TMTC2: variants seen among roughly 807,000 people sequenced by gnomAD.
TMTC2 encodes transmembrane O-mannosyltransferase targeting cadherins 2.
In TMTC2, 43 loss-of-function variants were observed where a neutral mutation model predicts 82.4. The observed-to-expected ratio is 0.52, with a 90% confidence interval of 0.41 to 0.67. The LOEUF (loss-of-function observed/expected upper bound fraction) is 0.67, where lower values mean the gene tolerates loss of function less well. Ranked by LOEUF, TMTC2 falls within the 30% of genes least tolerant of loss-of-function variation. The pLI is 0.00. For synonymous variants in TMTC2, 408 were observed against 381.9 expected, an observed-to-expected ratio of 1.07 and a Z score of -0.80; for missense variants, 919 against 1,012.4, an observed-to-expected ratio of 0.91 and a Z score of 1.25.
At chr12:82,915,957 G>T (rs972525365) in intron 3 of TMTC2, among the ~76,000 whole-genome samples, 9 of 152,218 alleles carry the variant, frequency 5.9e-5, no homozygotes, top group African/African-American at 2.2e-4. Context: ...TCTTTGGGAG[G>T]CCAAGGCAGG....
At chr12:82,853,899 A>G (rs1015858593) in intron 1 of TMTC2, among the ~76,000 whole-genome samples, 1 of 150,180 alleles carries the variant, frequency 6.7e-6, no homozygotes, top group Admixed American at 6.6e-5. Flanking sequence ...GCTTGAAATA[A>G]GCTCTTTCTG....
In TMTC2 at chr12:82,965,625, T is replaced by G; in HGVS notation, c.1750T>G (p.Phe584Val). The G allele has an allele frequency of 6.2e-7, 1 of 1,613,864 alleles. No individual in the cohort carries two copies. Among genetic ancestry groups the G allele is most frequent in the Non-Finnish European group, 8.5e-7 (1 of 1,179,788 alleles). ...QGRTEEARRT[F>V]LKCSEIPDEN... Reference sequence around the variant, plus strand: ...AAGGACGGAAGAAGCCCGACGGACATTCTTAAAGTGTTCGGAGATCCCAGA... The same window carrying G: ...AAGGACGGAAGAAGCCCGACGGACAGTCTTAAAGTGTTCGGAGATCCCAGA... Residue 584 changes from phenylalanine (F) to valine (V), a missense_variant, in exon 6 of 12, where the codon TTC becomes GTC. Coordinates refer to ENST00000321196, the MANE Select transcript of TMTC2 (RefSeq NM_152588.3).
Position 83,134,269 on chromosome 12 carries a change from C to G in TMTC2, c.*1880C>G, listed in dbSNP as rs1251675265. 2.7e-5 allele frequency: 4 copies of G among 148,416 alleles called. No homozygotes were observed. The highest frequency in any genetic ancestry group is 1.0e-4 in the African/African-American group (4 of 39,778). 9.2% of individuals were successfully genotyped at this position (148,416 alleles called of 1,614,324 possible). Reference sequence around the variant, plus strand: ...TAGTGGGTTGAAGTGTATTATTCATCTTTTAGTGCATTGGCAATTGCAAAA... The same window carrying G: ...TAGTGGGTTGAAGTGTATTATTCATGTTTTAGTGCATTGGCAATTGCAAAA... On this transcript the variant is annotated 3_prime_UTR_variant, in exon 12 of 12. Coordinates refer to ENST00000321196, the MANE Select transcript of TMTC2 (RefSeq NM_152588.3).
At chr12:82,914,362 G>A (rs1214817314) in intron 3 of TMTC2, among the ~76,000 whole-genome samples, 1 of 151,458 alleles carries the variant, frequency 6.6e-6, no homozygotes, top group African/African-American at 2.4e-5. Flanking sequence ...CTTTTGCCCT[G>A]TTCAACACTA....
At chr12:83,061,167 A>T (rs1292794246) in intron 10 of TMTC2, among the ~76,000 whole-genome samples, 1 of 151,830 alleles carries the variant, frequency 6.6e-6, no homozygotes, top group East Asian at 1.9e-4. Context: ...TAGGAATGAA[A>T]GTCCTAAGTA....
chr12:82,764,865 C>T (rs899048879), intron 1 of TMTC2, among the ~76,000 whole-genome samples: 1 of 145,840 alleles, frequency 6.9e-6, no homozygotes, highest in Non-Finnish European at 1.5e-5. Context: ...CATAAGATGA[C>T]ATAGACAAAT....
chr12:83,005,310 C>T (rs1412780805), intron 8 of TMTC2, among the ~76,000 whole-genome samples: 1 of 139,276 alleles, frequency 7.2e-6, no homozygotes, highest in Non-Finnish European at 1.5e-5. Flanking sequence ...GCCTGGGAAA[C>T]GCAAGGAGAC....
chr12:82,882,933 A>G (rs1253856926), intron 2 of TMTC2, among the ~76,000 whole-genome samples: 2 of 151,660 alleles, frequency 1.3e-5, no homozygotes, highest in Non-Finnish European at 2.9e-5. Flanking sequence ...GCGTGTGCCT[A>G]TGATCCCAGC....
chr12:82,998,160 G>A (rs142542658), intron 8 of TMTC2, among the ~76,000 whole-genome samples: 2 of 152,168 alleles, frequency 1.3e-5, no homozygotes, highest in Non-Finnish European at 2.9e-5. Context: ...CAAGTGTGCT[G>A]TCAGTGTTTA....
At chr12:82,937,999 C>T (rs1299486843) in intron 4 of TMTC2, among the ~76,000 whole-genome samples, 3 of 149,784 alleles carry the variant, frequency 2.0e-5, no homozygotes, top group South Asian at 2.1e-4. Flanking sequence ...ACTGCAACCT[C>T]CACATCCCAG....
chr12:83,075,167 C>T (rs1264346487), intron 11 of TMTC2, among the ~76,000 whole-genome samples: 1 of 152,160 alleles, frequency 6.6e-6, no homozygotes, highest in East Asian at 1.9e-4. Flanking sequence ...GGGTGTGTGT[C>T]AGGAGAGGAG....
chr12:82,765,890 C>T (rs1052945267), intron 1 of TMTC2, among the ~76,000 whole-genome samples: 1 of 152,066 alleles, frequency 6.6e-6, no homozygotes, highest in South Asian at 2.1e-4. Flanking sequence ...GATGATCAAA[C>T]AAGAGTTTTC....
At chr12:82,803,713 A>G (rs1879116611) in intron 1 of TMTC2, among the ~76,000 whole-genome samples, 1 of 152,080 alleles carries the variant, frequency 6.6e-6, no homozygotes, top group African/African-American at 2.4e-5. Flanking sequence ...GCAGGCCACC[A>G]GGCATGCAGG....
intron 4 of TMTC2, among the ~76,000 whole-genome samples, chr12:82,939,628 A>G (rs946347902): frequency 5.9e-5 from 9 of 152,092 alleles, no homozygotes; most frequent in Admixed American, 6.6e-5. Flanking sequence ...CCTAAAGTGG[A>G]TATGTTTACC....
At chr12:82,798,975 T>C (rs1344580967) in intron 1 of TMTC2, among the ~76,000 whole-genome samples, 1 of 152,056 alleles carries the variant, frequency 6.6e-6, no homozygotes, top group African/African-American at 2.4e-5. Flanking sequence ...CTCTAAAAAG[T>C]CCATATTGCA....
At chr12:83,114,987 GACAATT>G (rs1246354251) in intron 11 of TMTC2, among the ~76,000 whole-genome samples, 25 of 152,042 alleles carry the variant, frequency 1.6e-4, no homozygotes, top group Non-Finnish European at 3.1e-4. Flanking sequence ...TATCTTCCAT[GACAATT>G]GAGATTTTAA....
At chr12:82,764,688 G>A (rs1876846326) in intron 1 of TMTC2, among the ~76,000 whole-genome samples, 1 of 152,166 alleles carries the variant, frequency 6.6e-6, no homozygotes, top group South Asian at 2.1e-4. Context: ...CACCACGCCG[G>A]GGAGACAGGT....
chr12:82,970,705 G>A (rs759604575), intron 7 of TMTC2, among the ~76,000 whole-genome samples: 5 of 152,214 alleles, frequency 3.3e-5, no homozygotes, highest in Non-Finnish European at 7.3e-5. Context: ...ATGTGGATAT[G>A]ACTACTTCAT....
intron 1 of TMTC2, among the ~76,000 whole-genome samples, chr12:82,708,321 T>G (rs1421921342): frequency 6.6e-6 from 1 of 152,248 alleles, no homozygotes; most frequent in Non-Finnish European, 1.5e-5. Context: ...AACACAGGTC[T>G]ACGATGTAAT....
Sources: gnomAD v4.1 joint callset for allele counts (sites outside exome capture counted in the v4.1 genomes callset) on GRCh38, gnomAD v4.1.1 for gene constraint, MANE v1.5 for transcripts, NCBI Gene and HGNC (gene_info 2026-07-23, HGNC 2026-07-21) for gene names.